Variants in NFKBIA observed in about 807,000 individuals in gnomAD.
The protein encoded by NFKBIA is NF-kappa-B inhibitor alpha.
In NFKBIA, 10 loss-of-function variants were observed where a neutral mutation model predicts 36.3. The ratio of observed to expected loss-of-function variants is 0.28; its 90% CI spans 0.17 to 0.47. The LOEUF (loss-of-function observed/expected upper bound fraction) is 0.47. NFKBIA is among the 20% of genes least tolerant of loss of function. The pLI, the probability that NFKBIA is intolerant of heterozygous loss-of-function variation, is 0.99. For missense variants in NFKBIA, 355 were observed against 399.3 expected, an observed-to-expected ratio of 0.89 and a Z score of 0.94; for synonymous variants, 205 against 164.4, an observed-to-expected ratio of 1.25 and a Z score of -1.89.
Position 35,401,698 on chromosome 14 carries a change from A to T in NFKBIA, c.*315T>A. Reference sequence around the variant, plus strand: ...TCACAGGATACCACTGGGGTCAGTCACTCGAAGCACAATAAATATAAAATG... The same window carrying T: ...TCACAGGATACCACTGGGGTCAGTCTCTCGAAGCACAATAAATATAAAATG... On this transcript the variant is annotated 3_prime_UTR_variant, in exon 6 of 6. Transcript: ENST00000216797. 2.2e-6 allele frequency: 1 copy of T among 458,768 alleles called. No individual in the cohort carries two copies. The highest frequency in any genetic ancestry group is 2.4e-5 in the South Asian group (1 of 40,842). The allele number at this position is 458,768 out of a possible 1,614,324, so 28.4% of individuals were successfully genotyped here.
chr14:35,402,235 A>AGTAAGTTATTAAAAAAAGG (rs70937092), intron 5 of NFKBIA, among the ~76,000 whole-genome samples, 159 bp downstream of exon 5: 1 of 148,832 alleles, frequency 6.7e-6, no homozygotes, highest in Non-Finnish European at 1.5e-5. Flanking sequence ...TTAAAAAAAG[A>AGTAAGTTATTAAAAAAAGG]GGGGGGGCAG....
chr14:35,402,374 G>A lies in NFKBIA; in HGVS notation c.906+20C>T, dbSNP rs368801300. 2.2e-4 allele frequency: 348 copies of A among 1,613,932 alleles called. 3 individuals are homozygous for A. In the South Asian group the frequency reaches 2.5e-3, roughly 12 times the overall value. On this transcript the variant is annotated intron_variant, in intron 5 of 5. Coordinates refer to ENST00000216797, the MANE Select transcript of NFKBIA (RefSeq NM_020529.3). Reference sequence around the variant, plus strand: ...ATGGCACCTCATTAGTTAGAGCGCCGAAGGAGTTCACAGACTCACCTCGTC... The same window carrying A: ...ATGGCACCTCATTAGTTAGAGCGCCAAAGGAGTTCACAGACTCACCTCGTC...
At position 35,404,720 on chromosome 14, in the gene NFKBIA, G is replaced by A. The variant is rs531808763; in HGVS notation, c.-76C>T. ...CGCGCTGCTTCCTCGCTGGGGCGCTGGCGGGCGGGACGGCGGCACGGACTG... is the reference window on the plus strand; with the variant it reads ...CGCGCTGCTTCCTCGCTGGGGCGCTAGCGGGCGGGACGGCGGCACGGACTG... On this transcript the variant is annotated 5_prime_UTR_variant, in exon 1 of 6. Coordinates refer to ENST00000216797, the MANE Select transcript of NFKBIA (RefSeq NM_020529.3). The A allele has an allele frequency of 6.7e-5, 74 of 1,106,790 alleles. 1 individual carries two copies. In the African/African-American group the frequency reaches 1.2e-3, roughly 18 times the overall value. The allele number at this position is 1,106,790 out of a possible 1,614,324, so 68.6% of individuals were successfully genotyped here.
chr14:35,403,440 G>C (rs1566590507), intron 2 of NFKBIA, 80 bp from the exon 3 acceptor site: 1 of 1,482,244 alleles, frequency 6.7e-7, no homozygotes, highest in East Asian at 2.3e-5. Flanking sequence ...CGTGTCTCCT[G>C]GTTGGGTGCT....
intron 1 of NFKBIA, chr14:35,404,018 C>T (rs2052759594): frequency 3.5e-6 from 2 of 576,458 alleles, no homozygotes; most frequent in Non-Finnish European, 6.2e-6. Context: ...CAGACCGCCC[C>T]GCCCTCCCGC....
intron 1 of NFKBIA, 47 bp downstream of exon 1, chr14:35,404,371 C>T (rs777276342): frequency 3.3e-6 from 4 of 1,217,986 alleles, no homozygotes; most frequent in Admixed American, 2.2e-5. Context: ...AGGCCGCGCG[C>T]GTCCCGCCCT....
intron 5 of NFKBIA, 53 bp from the exon 6 acceptor site, chr14:35,402,113 A>C: frequency 1.2e-6 from 2 of 1,608,042 alleles, no homozygotes; most frequent in African/African-American, 2.7e-5. Flanking sequence ...GAGCTCTGCC[A>C]AGCTACCGGG....
rs751108447 is a variant in NFKBIA at position 35,403,154 on chromosome 14, G to A, written c.543C>T (p.Tyr181=). ...HLHSILKATN[Y]NGHTCLHLAS... is the part of the protein sequence containing the mutation. ...AGGGCAGGGAGGCAGACATACCATT[G>A]TAGTTGGTAGCCTTCAGGATGGAGT... Residue 181 remains tyrosine (Y), a synonymous_variant, in exon 3 of 6, where the codon TAC becomes TAT. Transcript: ENST00000216797. The A allele has an allele frequency of 2.5e-6, 4 of 1,610,986 alleles. No individual in the cohort carries two copies. Among genetic ancestry groups the A allele is most frequent in the African/African-American group, 1.3e-5 (1 of 74,840 alleles).
rs1428273716 is a variant in NFKBIA at position 35,402,423 on chromosome 14, ACT to A, written c.875_876del (p.Glu292ValfsTer14). 6.2e-7 allele frequency: 1 copy of A among 1,613,878 alleles called. No individual in the cohort carries two copies. The highest frequency in any genetic ancestry group is 8.5e-7 in the Non-Finnish European group (1 of 1,179,962). Reference protein sequence around the residue: ...ESEDEESYDTESEFTEFTEDE... With the variant: ...ESEDEESYDTXSEFTEFTEDE... ...TCCTCTGTGAACTCCGTGAACTCTG[ACT>A]CTGTGTCATAGCTCTCCTCATCCTC... is the stretch of plus-strand genomic sequence containing the variant. On this transcript the variant is annotated frameshift_variant, in exon 5 of 6. Coordinates refer to ENST00000216797, the MANE Select transcript of NFKBIA (RefSeq NM_020529.3). LOFTEE classifies it high-confidence loss of function.
intron 5 of NFKBIA, 42 bp downstream of exon 5, chr14:35,402,352 G>A (rs1490446039): frequency 6.2e-7 from 1 of 1,612,080 alleles, no homozygotes. Flanking sequence ...GAAGGGAATG[G>A]CACCTCATTA....
intron 1 of NFKBIA, 151 bp from the exon 2 acceptor site, chr14:35,403,949 C>A: frequency 1.5e-6 from 1 of 683,122 alleles, no homozygotes; most frequent in Middle Eastern, 3.8e-4. Context: ...CTGAGTGTTC[C>A]TGGCAGGCGC....
In NFKBIA at chr14:35,402,038, A is replaced by C; in HGVS notation, c.929T>G (p.Phe310Cys). ...TCATAACGTCAGACGCTGGCCTCCA[A>C]ACACACAGTCATCATAGGGCAGCTG... is the stretch of plus-strand genomic sequence containing the variant. ...EDELPYDDCV[F>C]GGQRLTL The change falls in exon 6 of 6, where the codon TTT (phenylalanine) becomes TGT (cysteine). Residue 310 changes from phenylalanine to cysteine, a missense_variant. Phe to Cys is a radical substitution (Grantham distance 205, BLOSUM62 -2). Transcript: ENST00000216797. 6.2e-7 allele frequency: 1 copy of C among 1,614,132 alleles called. No homozygotes were observed. The highest frequency in any genetic ancestry group is 8.5e-7 in the Non-Finnish European group (1 of 1,180,026).
In NFKBIA at chr14:35,404,080, G is replaced by A. The variant is rs1594427497; in HGVS notation, c.228-282C>T. Reference sequence around the variant, plus strand: ...TCCCGGCTGCTCGGCGCCCGCCAGCGGCCAGAAACTCCCGCCCCGCCTTAT... The same window carrying A: ...TCCCGGCTGCTCGGCGCCCGCCAGCAGCCAGAAACTCCCGCCCCGCCTTAT... On this transcript the variant is annotated intron_variant, in intron 1 of 5. Transcript: ENST00000216797. The A allele has an allele frequency of 1.1e-5, 5 of 462,842 alleles. No homozygotes were observed. The Middle Eastern group carries it at 2.5e-3, about 229-fold the overall frequency. 28.7% of individuals were successfully genotyped at this position (462,842 alleles called of 1,614,324 possible).
At chr14:35,402,743 C>G in intron 4 of NFKBIA, 28 bp downstream of exon 4, 1 of 1,613,946 alleles carries the variant, frequency 6.2e-7, no homozygotes, top group Non-Finnish European at 8.5e-7. Context: ...GAGCCTGACT[C>G]AGTGCGTCGG....
intron 5 of NFKBIA, among the ~76,000 whole-genome samples, 159 bp downstream of exon 5, chr14:35,402,235 A>AGTAAGCTATCAAAAAAAGGG (rs70937092): frequency 6.7e-6 from 1 of 148,830 alleles, no homozygotes; most frequent in African/African-American, 2.6e-5. Flanking sequence ...TTAAAAAAAG[A>AGTAAGCTATCAAAAAAAGGG]GGGGGGGCAG....
intron 1 of NFKBIA, 98 bp from the exon 2 acceptor site, chr14:35,403,896 C>CT (rs2052757669): frequency 1.1e-6 from 1 of 879,364 alleles, no homozygotes; most frequent in East Asian, 2.6e-5. Context: ...GCCGGGGTTT[C>CT]TGGAGGCCGA....
chr14:35,402,190 T>C, intron 5 of NFKBIA, 130 bp from the exon 6 acceptor site: 2 of 1,192,566 alleles, frequency 1.7e-6, no homozygotes, highest in Non-Finnish European at 2.4e-6. Flanking sequence ...TAATGAACTT[T>C]ACAGGCTGAG....
intron 3 of NFKBIA, 69 bp downstream of exon 3, chr14:35,403,081 G>A (rs1027989447): frequency 1.9e-6 from 3 of 1,548,804 alleles, no homozygotes; most frequent in African/African-American, 1.4e-5. Flanking sequence ...CCTTAAGTTG[G>A]CCCACCTGCC....
Position 35,402,365 on chromosome 14 carries a change from T to C in NFKBIA, c.906+29A>G, listed in dbSNP as rs1016329748. ...GTGAAGGGAATGGCACCTCATTAGT[T>C]AGAGCGCCGAAGGAGTTCACAGACT... On this transcript the variant is annotated intron_variant, in intron 5 of 5. Transcript: ENST00000216797. The C allele has an allele frequency of 8.1e-6, 13 of 1,613,830 alleles. No individual in the cohort carries two copies. The Admixed American group carries it at 8.3e-5, about 10-fold the overall frequency.
Sources: allele counts gnomAD v4.1 joint callset (sites outside exome capture counted in the v4.1 genomes callset), GRCh38; gene constraint gnomAD v4.1.1; transcripts MANE v1.5; gene names NCBI Gene and HGNC (gene_info 2026-07-23, HGNC 2026-07-21).